MYO10: variants seen among roughly 807,000 people sequenced by gnomAD.
MYO10 encodes myosin X.
In MYO10, 133 loss-of-function variants were observed where a neutral mutation model predicts 257.3. The observed-to-expected ratio is 0.52, with a 90% CI of 0.45 to 0.60. MYO10 has a LOEUF of 0.60. Among genes scored for constraint, MYO10 ranks in the 20% least tolerant of loss-of-function variants. The pLI, the probability that MYO10 is intolerant of heterozygous loss-of-function variation, is 0.00. For missense variants in MYO10, 2,399 were observed against 2,635.7 expected (o/e 0.91, Z 1.97); for synonymous variants, 1,104 against 1,028.6 (o/e 1.07, Z -1.40).
chr5:16,733,996 G>A (rs1438174498), intron 19 of MYO10, among the ~76,000 whole-genome samples: 1 of 152,146 alleles, frequency 6.6e-6, no homozygotes, highest in Admixed American at 6.5e-5. Context: ...GCTGGCTTCA[G>A]GGGCAGCCTG....
At chr5:16,732,472 A>C (rs1739621622) in intron 19 of MYO10, among the ~76,000 whole-genome samples, 1 of 152,144 alleles carries the variant, frequency 6.6e-6, no homozygotes, top group South Asian at 2.1e-4. Flanking sequence ...TCTGTGTTCT[A>C]TTTCTACTTC....
At chr5:16,770,960 G>C (rs1579972426) in intron 9 of MYO10, among the ~76,000 whole-genome samples, 1 of 152,272 alleles carries the variant, frequency 6.6e-6, no homozygotes, top group Non-Finnish European at 1.5e-5. Flanking sequence ...TAGATACGAG[G>C]TTTCTCCATG....
intron 19 of MYO10, among the ~76,000 whole-genome samples, chr5:16,718,517 T>A (rs555488794): frequency 3.9e-4 from 60 of 152,242 alleles, no homozygotes; most frequent in African/African-American, 1.3e-3. Context: ...AGTGCACCAA[T>A]CGACACTCTG....
intron 33 of MYO10, among the ~76,000 whole-genome samples, chr5:16,677,813 T>C (rs530031760): frequency 1.3e-5 from 2 of 151,438 alleles, no homozygotes; most frequent in Admixed American, 1.3e-4. Context: ...CAGGCTGGAG[T>C]GCAATGGCGT....
At chr5:16,801,085 T>C (rs1486271580) in intron 3 of MYO10, among the ~76,000 whole-genome samples, 6 of 152,200 alleles carry the variant, frequency 3.9e-5, no homozygotes, top group Admixed American at 6.5e-5. Flanking sequence ...ATCTACTTTA[T>C]AGCTTTAAAC....
intron 2 of MYO10, among the ~76,000 whole-genome samples, chr5:16,858,963 A>G (rs989217808): frequency 3.3e-5 from 5 of 149,900 alleles, no homozygotes; most frequent in African/African-American, 9.8e-5. Context: ...ATCTCAGGGG[A>G]AAAAAAAAAT....
chr5:16,774,567 G>A (rs1274899802), intron 9 of MYO10, among the ~76,000 whole-genome samples: 4 of 151,652 alleles, frequency 2.6e-5, no homozygotes, highest in Non-Finnish European at 5.9e-5. Flanking sequence ...GACTACAGGC[G>A]CCCACCACCA....
At chr5:16,694,055 CT>C (rs1428604145) in intron 27 of MYO10, among the ~76,000 whole-genome samples, 1 of 152,246 alleles carries the variant, frequency 6.6e-6, no homozygotes, top group Admixed American at 6.5e-5. Context: ...CATAAAAAGA[CT>C]CAGCCACTTG....
chr5:16,721,601 C>T (rs545799915), intron 19 of MYO10, among the ~76,000 whole-genome samples: 1 of 152,164 alleles, frequency 6.6e-6, no homozygotes, highest in Non-Finnish European at 1.5e-5. Flanking sequence ...GCCTGACTGG[C>T]GAGCAAGCTG....
intron 2 of MYO10, among the ~76,000 whole-genome samples, chr5:16,831,248 G>C (rs1345262371): frequency 3.3e-5 from 5 of 152,114 alleles, no homozygotes; most frequent in Non-Finnish European, 7.3e-5. Flanking sequence ...CGGTGAACAG[G>C]GAACACTTCT....
intron 9 of MYO10, among the ~76,000 whole-genome samples, chr5:16,776,692 A>G (rs1394385305): frequency 6.6e-6 from 1 of 152,228 alleles, no homozygotes; most frequent in Non-Finnish European, 1.5e-5. Flanking sequence ...CCAAGTTCCA[A>G]AAGTTTACTT....
chr5:16,747,937 A>AAAAG (rs1740253639), intron 19 of MYO10, among the ~76,000 whole-genome samples: 1 of 123,000 alleles, frequency 8.1e-6, no homozygotes, highest in Non-Finnish European at 1.5e-5. Context: ...AAAAAAAAAA[A>AAAAG]AAAAAAAAAG....
rs181513304 is a variant in MYO10, at chr5:16,673,928, G to A, written c.4965-39C>T. ...ACTAACTGTTAATTTTTAGACTGAT[G>A]GGGGCTGGCTGCTGGGAGGAACTAG... is the stretch of plus-strand genomic sequence containing the variant. On this transcript the variant is annotated intron_variant, in intron 35 of 40. Coordinates refer to ENST00000513610, the MANE Select transcript of MYO10 (RefSeq NM_012334.3). 7.3e-4 allele frequency: 1,160 copies of A among 1,587,094 alleles called. 3 individuals are homozygous for A. The highest frequency in any genetic ancestry group is 1.9e-3 in the Admixed American group (116 of 59,924).
At chr5:16,740,283 T>C (rs987335145) in intron 19 of MYO10, among the ~76,000 whole-genome samples, 5 of 151,934 alleles carry the variant, frequency 3.3e-5, no homozygotes, top group African/African-American at 2.4e-5. Context: ...ACAAAGTCAC[T>C]ACCAGAAAGC....
At chr5:16,729,010 T>C (rs942419571) in intron 19 of MYO10, among the ~76,000 whole-genome samples, 2 of 152,114 alleles carry the variant, frequency 1.3e-5, no homozygotes, top group African/African-American at 2.4e-5. Flanking sequence ...GGGACCCGAG[T>C]GGGTTGCCGA....
intron 1 of MYO10, among the ~76,000 whole-genome samples, chr5:16,928,424 C>T (rs897609723): frequency 6.6e-6 from 1 of 152,108 alleles, no homozygotes; most frequent in South Asian, 2.1e-4. Context: ...GAACTCCTGA[C>T]CTCAGGTATC....
intron 11 of MYO10, among the ~76,000 whole-genome samples, chr5:16,764,930 C>A (rs573416226): frequency 3.9e-5 from 6 of 152,272 alleles, no homozygotes; most frequent in Admixed American, 2.6e-4. Flanking sequence ...CTCAGGTGAT[C>A]TGCCCGCCTC....
intron 1 of MYO10, among the ~76,000 whole-genome samples, chr5:16,923,954 G>A (rs1746062187): frequency 6.6e-6 from 1 of 152,140 alleles, no homozygotes; most frequent in Admixed American, 6.6e-5. Flanking sequence ...GCCAGGCAAG[G>A]TGGCACAGGC....
intron 21 of MYO10, among the ~76,000 whole-genome samples, chr5:16,709,832 C>T (rs1738513979): frequency 6.6e-6 from 1 of 152,180 alleles, no homozygotes. Flanking sequence ...CATGCTATCT[C>T]TACCCTGTTT....
Sources: gnomAD v4.1 joint callset for allele counts (sites outside exome capture counted in the v4.1 genomes callset) on GRCh38, gnomAD v4.1.1 for gene constraint, MANE v1.5 for transcripts, NCBI Gene and HGNC (gene_info 2026-07-23, HGNC 2026-07-21) for gene names.